DOCK7: variants seen among roughly 807,000 people sequenced by gnomAD.
DOCK7 encodes dedicator of cytokinesis 7, also known as dedicator of cytokinesis protein 7.
DOCK7 carries 138 observed loss-of-function variants against 271.0 expected under a neutral mutation model. The ratio of observed to expected loss-of-function variants is 0.51; its 90% CI spans 0.44 to 0.59. DOCK7 has a LOEUF of 0.59. Ranked by LOEUF, DOCK7 falls within the 20% of genes least tolerant of loss-of-function variation. DOCK7 has a pLI of 0.00. For missense variants in DOCK7, 2,066 were observed against 2,592.4 expected, an observed-to-expected ratio of 0.80 and a Z score of 4.41; for synonymous variants, 823 against 876.1, an observed-to-expected ratio of 0.94 and a Z score of 1.07.
At chr1:62,675,881 G>A (rs1332799077) in intron 1 of DOCK7, among the ~76,000 whole-genome samples, 1 of 152,020 alleles carries the variant, frequency 6.6e-6, no homozygotes, top group Non-Finnish European at 1.5e-5. Context: ...TATAATCAAA[G>A]AGGACAATAA....
At chr1:62,513,260 G>T in intron 33 of DOCK7, among the ~76,000 whole-genome samples, 184 bp downstream of exon 33, 1 of 99,194 alleles carries the variant, frequency 1.0e-5, no homozygotes, top group Admixed American at 9.7e-5. Context: ...AAACGGGGGG[G>T]GGGGGGCGGT....
chr1:62,603,995 A>G (rs1650545232), intron 14 of DOCK7: 1 of 1,612,964 alleles, frequency 6.2e-7, no homozygotes, highest in Non-Finnish European at 8.5e-7. Flanking sequence ...CCTAGAGAAG[A>G]TATACTCCAT....
chr1:62,502,095 A>G (rs1344715957), intron 37 of DOCK7, among the ~76,000 whole-genome samples: 2 of 152,138 alleles, frequency 1.3e-5, no homozygotes, highest in East Asian at 1.9e-4. Flanking sequence ...ATAGAAGGAA[A>G]TAAGTTCTGG....
intron 37 of DOCK7, among the ~76,000 whole-genome samples, 195 bp downstream of exon 37, chr1:62,504,435 G>A (rs780034240): frequency 4.0e-5 from 6 of 151,792 alleles, no homozygotes; most frequent in African/African-American, 9.7e-5. Flanking sequence ...ACATACATAC[G>A]TACACATGAT....
chr1:62,641,992 T>G (rs1571876218), intron 7 of DOCK7, among the ~76,000 whole-genome samples: 3 of 150,878 alleles, frequency 2.0e-5, no homozygotes, highest in Middle Eastern at 6.8e-3. Context: ...TGTAACTGGG[T>G]TTTTTTTTAA....
intron 8 of DOCK7, among the ~76,000 whole-genome samples, chr1:62,636,048 C>T (rs182400392): frequency 1.1e-3 from 166 of 152,266 alleles, no homozygotes; most frequent in African/African-American, 3.6e-3. Context: ...GTCAGAAGAT[C>T]GAGATCATCC....
At chr1:62,539,957 C>A in intron 25 of DOCK7, 65 bp from the exon 26 acceptor site, 1 of 1,105,966 alleles carries the variant, frequency 9.0e-7, no homozygotes. Flanking sequence ...CAACTCTAAA[C>A]ACTTGGACTA....
At chr1:62,498,035 G>A (rs901022489) in intron 37 of DOCK7, among the ~76,000 whole-genome samples, 1 of 151,714 alleles carries the variant, frequency 6.6e-6, no homozygotes, top group Admixed American at 6.6e-5. Context: ...GGCCAAGACA[G>A]GAGGTTCACT....
At chr1:62,552,317 C>T (rs1645934581) in intron 22 of DOCK7, among the ~76,000 whole-genome samples, 1 of 152,100 alleles carries the variant, frequency 6.6e-6, no homozygotes, top group Non-Finnish European at 1.5e-5. Flanking sequence ...TTCTAGTTTA[C>T]AAAAATGGAA....
Position 62,559,147 on chromosome 1 carries a change from T to C in DOCK7, c.2273A>G (p.Asp758Gly). 2 of 1,613,796 alleles carry C rather than the reference T, an allele frequency of 1.2e-6. No homozygotes were observed. Among genetic ancestry groups the C allele is most frequent in the Non-Finnish European group, 1.7e-6 (2 of 1,179,892 alleles). The change falls in exon 20 of 50, where the codon GAC becomes GGC. Residue 758 changes from aspartate to glycine, a missense_variant. This residue lies in a region of DOCK7 where 1,414 missense variants were observed against 1,670.4 expected (regional missense o/e 0.85). Transcript: ENST00000635253. ...TAAGTTATTTTCCATGATTCGCATG[T>C]CCCCAATTCGGACTGGGAACAGGTG... ...DEHLFPVRIG[D>G]MRIMENNLEN...
intron 31 of DOCK7, among the ~76,000 whole-genome samples, chr1:62,527,538 A>G (rs1269940511): frequency 2.0e-5 from 3 of 152,180 alleles, no homozygotes; most frequent in African/African-American, 7.2e-5. Flanking sequence ...GCAGCCATAA[A>G]AAATGATGAG....
At chr1:62,490,438 G>GA (rs1235835526) in intron 41 of DOCK7, among the ~76,000 whole-genome samples, 2 of 152,204 alleles carry the variant, frequency 1.3e-5, no homozygotes, top group East Asian at 3.9e-4. Context: ...TGTAGTAAGA[G>GA]AAGAGAGAGA....
chr1:62,688,131 C>T, intron 1 of DOCK7, 96 bp downstream of exon 1: 4 of 1,199,128 alleles, frequency 3.3e-6, no homozygotes, highest in Middle Eastern at 3.1e-4. Flanking sequence ...CGGTGCCGGC[C>T]CCGCCACACC....
intron 1 of DOCK7, among the ~76,000 whole-genome samples, chr1:62,681,500 G>A (rs1475554147): frequency 1.3e-5 from 2 of 148,472 alleles, no homozygotes; most frequent in Non-Finnish European, 3.0e-5. Flanking sequence ...AAACCTGCAC[G>A]TTATGCACAT....
chr1:62,510,735 T>G, intron 33 of DOCK7, 62 bp from the exon 34 acceptor site: 1 of 1,259,904 alleles, frequency 7.9e-7, no homozygotes, highest in Non-Finnish European at 1.1e-6. Flanking sequence ...CATATATGTA[T>G]ACTTGCAATC....
chr1:62,547,412 GA>G (rs1486737845), intron 22 of DOCK7, among the ~76,000 whole-genome samples: 2 of 152,172 alleles, frequency 1.3e-5, no homozygotes, highest in African/African-American at 4.8e-5. Flanking sequence ...ATGTAAGTGT[GA>G]GGTTTTTTTT....
At chr1:62,527,042 C>T (rs955486143) in intron 31 of DOCK7, among the ~76,000 whole-genome samples, 1 of 152,042 alleles carries the variant, frequency 6.6e-6, no homozygotes, top group African/African-American at 2.4e-5. Flanking sequence ...TATATACTCA[C>T]AATAGGTGAA....
chr1:62,542,519 G>T lies in DOCK7; in HGVS notation c.3045+89C>A, dbSNP rs116423924. On this transcript the variant is annotated intron_variant, in intron 25 of 49. Coordinates refer to ENST00000635253, the MANE Select transcript of DOCK7 (RefSeq NM_001367561.1). ...TGGAAAAGCGTTAAGATGTGCAACA[G>T]AAAAAGATTTCTAAGGTAACAAATG... The T allele has an allele frequency of 0.014, 17,886 of 1,323,582 alleles. 194 individuals carry two copies. Among genetic ancestry groups the T allele is most frequent in the South Asian group, 0.032 (2,295 of 72,742 alleles). 82.0% of individuals were successfully genotyped at this position (1,323,582 alleles called of 1,614,324 possible).
At chr1:62,502,392 T>C (rs1470956061) in intron 37 of DOCK7, among the ~76,000 whole-genome samples, 2 of 152,174 alleles carry the variant, frequency 1.3e-5, no homozygotes, top group East Asian at 3.8e-4. Context: ...ATAAGCCCAA[T>C]TTCGCATACA....
Sources: allele counts gnomAD v4.1 joint callset (sites outside exome capture counted in the v4.1 genomes callset), GRCh38; gene constraint gnomAD v4.1.1; regional missense constraint gnomAD v4.1.1; transcripts MANE v1.5; gene names NCBI Gene and HGNC (gene_info 2026-07-23, HGNC 2026-07-21).